EXOC4: variants seen among roughly 807,000 people sequenced by gnomAD.
The protein encoded by EXOC4 is SEC8-like 1.
EXOC4 carries 71 observed loss-of-function variants against 107.2 expected under a neutral mutation model. The observed-to-expected ratio is 0.66, with a 90% CI of 0.55 to 0.81. The LOEUF (loss-of-function observed/expected upper bound fraction) is 0.81, where lower values mean the gene tolerates loss of function less well. Ranked by LOEUF, EXOC4 falls within the 30% of genes least tolerant of loss-of-function variation. The pLI, the probability that EXOC4 is intolerant of heterozygous loss-of-function variation, is 0.00. For synonymous variants in EXOC4, 456 were observed against 441.2 expected, an observed-to-expected ratio of 1.03 and a Z score of -0.42; for missense variants, 1,108 against 1,189.6, an observed-to-expected ratio of 0.93 and a Z score of 1.01.
intron 10 of EXOC4, among the ~76,000 whole-genome samples, chr7:133,670,218 G>A (rs1036523604): frequency 2.0e-5 from 3 of 152,128 alleles, no homozygotes; most frequent in African/African-American, 7.2e-5. Flanking sequence ...GAGTCTTTGG[G>A]GTTGTGCTTG....
chr7:134,069,785 TTGA>T (rs1312866837), downstream of EXOC4, among the ~76,000 whole-genome samples: 1 of 152,178 alleles, frequency 6.6e-6, no homozygotes, highest in Non-Finnish European at 1.5e-5. Flanking sequence ...TTACCATTTC[TTGA>T]TGGAACTAAT....
intron 7 of EXOC4, among the ~76,000 whole-genome samples, chr7:133,420,686 T>C (rs1431414013): frequency 6.6e-6 from 1 of 152,082 alleles, no homozygotes; most frequent in Non-Finnish European, 1.5e-5. Flanking sequence ...AATCTACATT[T>C]CAGTGACATT....
At chr7:133,793,052 G>A (rs879678473) in intron 10 of EXOC4, among the ~76,000 whole-genome samples, 6 of 152,074 alleles carry the variant, frequency 3.9e-5, no homozygotes, top group Non-Finnish European at 7.4e-5. Context: ...TGGTAACCCC[G>A]CCCATTTTCG....
At chr7:133,361,176 G>T (rs1166587850) in intron 6 of EXOC4, among the ~76,000 whole-genome samples, 1 of 152,212 alleles carries the variant, frequency 6.6e-6, no homozygotes, top group Non-Finnish European at 1.5e-5. Flanking sequence ...GGAGTTTAAA[G>T]CAGGAAGGAA....
chr7:133,883,178 C>T (rs1799001793), intron 11 of EXOC4, among the ~76,000 whole-genome samples: 1 of 152,166 alleles, frequency 6.6e-6, no homozygotes, highest in Admixed American at 6.5e-5. Context: ...TACTTTGACT[C>T]AGCCTAAGAG....
At chr7:133,564,418 C>T (rs764895076) in intron 9 of EXOC4, among the ~76,000 whole-genome samples, 12 of 152,188 alleles carry the variant, frequency 7.9e-5, no homozygotes, top group Non-Finnish European at 1.2e-4. Flanking sequence ...CAGGCTCTAC[C>T]TCCAGTACTG....
At chr7:133,942,391 T>C (rs1214700130) in intron 14 of EXOC4, among the ~76,000 whole-genome samples, 1 of 152,186 alleles carries the variant, frequency 6.6e-6, no homozygotes, top group African/African-American at 2.4e-5. Flanking sequence ...TTGTAATGCA[T>C]CCAAAAATAT....
At chr7:133,823,843 TTATATA>T (rs869279764) in intron 11 of EXOC4, among the ~76,000 whole-genome samples, 1,674 of 18,658 alleles carry the variant, frequency 0.09, 88 homozygotes, top group Non-Finnish European at 0.1. Flanking sequence ...TATATATATA[TTATATA>T]TATATATATA....
chr7:133,290,752 C>G (rs1302900143), intron 3 of EXOC4: 2 of 152,106 alleles, frequency 1.3e-5, no homozygotes, highest in Non-Finnish European at 2.9e-5. Flanking sequence ...ACATATTTTC[C>G]TCAAGACTCA....
intron 10 of EXOC4, among the ~76,000 whole-genome samples, chr7:133,781,449 C>T (rs1486015789): frequency 6.6e-6 from 1 of 152,262 alleles, no homozygotes; most frequent in Non-Finnish European, 1.5e-5. Context: ...GAATCTGGCT[C>T]CGCCACTTAC....
chr7:133,825,027 G>A (rs1370099443), intron 11 of EXOC4, among the ~76,000 whole-genome samples: 1 of 151,974 alleles, frequency 6.6e-6, no homozygotes, highest in African/African-American at 2.4e-5. Flanking sequence ...TGTTTTCCTT[G>A]ACGACTCTCT....
intron 9 of EXOC4, among the ~76,000 whole-genome samples, chr7:133,485,010 G>T (rs566108611): frequency 1.5e-4 from 22 of 149,442 alleles, no homozygotes; most frequent in Admixed American, 2.7e-4. Context: ...AACCTGGAAG[G>T]TGGAGGTTGC....
chr7:133,390,142 G>T (rs1435710703), intron 7 of EXOC4, among the ~76,000 whole-genome samples: 2 of 152,154 alleles, frequency 1.3e-5, no homozygotes, highest in Admixed American at 6.5e-5. Flanking sequence ...GCAGGAAATA[G>T]AAATTTAGGG....
At chr7:133,458,994 C>T (rs948546082) in intron 7 of EXOC4, among the ~76,000 whole-genome samples, 5 of 152,082 alleles carry the variant, frequency 3.3e-5, no homozygotes, top group African/African-American at 1.2e-4. Context: ...TTCATGAGCT[C>T]CTGGTAAATG....
chr7:134,067,149 C>CAA (rs10597442), downstream of EXOC4, among the ~76,000 whole-genome samples: 94 of 121,870 alleles, frequency 7.7e-4, no homozygotes, highest in Middle Eastern at 4.5e-3. Context: ...CACTCTGTCT[C>CAA]AAAAAAAAAA....
chr7:133,869,013 G>A (rs1241351835), intron 11 of EXOC4, among the ~76,000 whole-genome samples: 9 of 109,874 alleles, frequency 8.2e-5, no homozygotes, highest in South Asian at 3.1e-4. Flanking sequence ...TGGAACACCC[G>A]CCCCCGCCCT....
At position 133,843,429 on chromosome 7, in the gene EXOC4, A is replaced by T. The variant is rs151073612; in HGVS notation, c.1734+25885A>T. On this transcript the variant is annotated intron_variant, in intron 11 of 17. Transcript: ENST00000253861. ...CTAGTATTGTATTCTTTTTGTGGCT[A>T]TTGTGAATGGAATTGCATTCTTGAT... Among the ~76,000 whole-genome samples, 364 of 152,156 alleles carry T rather than the reference A, an allele frequency of 2.4e-3. 5 individuals carry two copies. Among genetic ancestry groups the T allele is most frequent in the African/African-American group, 8.2e-3 (339 of 41,502 alleles).
chr7:133,715,238 C>A (rs1472555807), intron 10 of EXOC4, among the ~76,000 whole-genome samples: 1 of 152,134 alleles, frequency 6.6e-6, no homozygotes, highest in African/African-American at 2.4e-5. Context: ...GCCTCAAACT[C>A]CTGGGCTAAA....
intron 7 of EXOC4, among the ~76,000 whole-genome samples, chr7:133,417,775 T>A (rs1797512494): frequency 6.6e-6 from 1 of 152,166 alleles, no homozygotes; most frequent in South Asian, 2.1e-4. Flanking sequence ...TCATTTAAAA[T>A]TTCATTTGAA....
Sources: allele counts gnomAD v4.1 joint callset (sites outside exome capture counted in the v4.1 genomes callset), GRCh38; gene constraint gnomAD v4.1.1; transcripts MANE v1.5; gene names NCBI Gene and HGNC (gene_info 2026-07-23, HGNC 2026-07-21).